Variants in LIMS4 observed in about 807,000 individuals in gnomAD.
LIMS4 encodes LIM and senescent cell antigen-like-containing domain protein 4.
chr2:110,371,206 C>T, the LIMS4 span, among the ~76,000 whole-genome samples: 1 of 75,084 alleles, frequency 1.3e-5, no homozygotes, highest in Non-Finnish European at 2.4e-5. Context: ...GTCAATACAA[C>T]AAATACTTAC....
chr2:110,409,298 TGA>T, the LIMS4 span, among the ~76,000 whole-genome samples: 1 of 129,160 alleles, frequency 7.7e-6, no homozygotes, highest in East Asian at 2.3e-4. Flanking sequence ...TTTTCTATGT[TGA>T]GATACACGAA....
the LIMS4 span, among the ~76,000 whole-genome samples, chr2:110,359,307 A>G: frequency 1.5e-5 from 2 of 130,706 alleles, no homozygotes; most frequent in Admixed American, 7.9e-5. Flanking sequence ...AAAAAAGTAC[A>G]AAACATGTTC....
At chr2:110,379,139 G>A in the LIMS4 span, among the ~76,000 whole-genome samples, 3 of 151,302 alleles carry the variant, frequency 2.0e-5, no homozygotes, top group African/African-American at 4.9e-5. Flanking sequence ...CTGGATTCAG[G>A]GTTGTAGGTC....
chr2:110,382,122 T>TATAC, the LIMS4 span, among the ~76,000 whole-genome samples: 1 of 95,522 alleles, frequency 1.0e-5, no homozygotes, highest in Non-Finnish European at 1.9e-5. Flanking sequence ...TATATATATA[T>TATAC]ATATATATAT....
At chr2:110,371,992 C>A in the LIMS4 span, among the ~76,000 whole-genome samples, 1 of 152,048 alleles carries the variant, frequency 6.6e-6, no homozygotes, top group Non-Finnish European at 1.5e-5. Context: ...CAAACTAGGG[C>A]CCAGCTTGCC....
the LIMS4 span, among the ~76,000 whole-genome samples, chr2:110,366,004 T>A: frequency 6.6e-6 from 1 of 151,250 alleles, no homozygotes; most frequent in Non-Finnish European, 1.5e-5. Context: ...AGACTAATAA[T>A]GAGTTTTGAA....
chr2:110,385,281 C>T, the LIMS4 span, among the ~76,000 whole-genome samples: 14 of 150,430 alleles, frequency 9.3e-5, no homozygotes, highest in African/African-American at 3.3e-4. Flanking sequence ...AGTCCTATGA[C>T]CAGCTTTTGC....
the LIMS4 span, among the ~76,000 whole-genome samples, chr2:110,425,634 A>G: frequency 7.0e-6 from 1 of 142,650 alleles, no homozygotes; most frequent in Non-Finnish European, 1.5e-5. Context: ...AGAGCAAGAC[A>G]GGGGAGAGGA....
At chr2:110,386,613 ACCCTGGGCCAGTGCT>A in the LIMS4 span, 1 of 646,762 alleles carries the variant, frequency 1.5e-6, no homozygotes, top group Non-Finnish European at 2.7e-6. Flanking sequence ...GCTCCAGCGC[ACCCTGGGCCAGTGCT>A]GCCAGGAAGA....
chr2:110,372,575 T>G, the LIMS4 span, among the ~76,000 whole-genome samples: 1 of 148,196 alleles, frequency 6.7e-6, no homozygotes, highest in Non-Finnish European at 1.5e-5. Flanking sequence ...GTGCGATCTC[T>G]GCTCACTGCA....
At chr2:110,391,141 G>A in the LIMS4 span, among the ~76,000 whole-genome samples, 2 of 151,328 alleles carry the variant, frequency 1.3e-5, no homozygotes, top group Admixed American at 6.6e-5. Flanking sequence ...AGGGAGCTGG[G>A]GGGAGAGCAG....
the LIMS4 span, among the ~76,000 whole-genome samples, chr2:110,366,762 C>T: frequency 2.6e-5 from 4 of 152,020 alleles, no homozygotes; most frequent in Admixed American, 2.0e-4. Flanking sequence ...TCTCTGTTTG[C>T]AGATAACATG....
chr2:110,387,675 A>G, the LIMS4 span: 56 of 254,414 alleles, frequency 2.2e-4, no homozygotes, highest in South Asian at 2.9e-3. Flanking sequence ...TGCCTCACCC[A>G]TGCCTGGCTA....
At chr2:110,367,200 T>C in the LIMS4 span, among the ~76,000 whole-genome samples, 1 of 149,820 alleles carries the variant, frequency 6.7e-6, no homozygotes, top group African/African-American at 2.5e-5. Context: ...ACCAATGTCA[T>C]TTTTCACAGA....
At chr2:110,390,775 G>A in the LIMS4 span, among the ~76,000 whole-genome samples, 1 of 151,976 alleles carries the variant, frequency 6.6e-6, no homozygotes, top group Non-Finnish European at 1.5e-5. Flanking sequence ...TCCAGGGCCT[G>A]AGTTCAGCTT....
At chr2:110,368,788 C>G in the LIMS4 span, among the ~76,000 whole-genome samples, 66 of 136,756 alleles carry the variant, frequency 4.8e-4, no homozygotes, top group African/African-American at 1.9e-3. Flanking sequence ...CCTGCACATA[C>G]GGTGGCATGG....
the LIMS4 span, among the ~76,000 whole-genome samples, chr2:110,425,564 A>C: frequency 4.3e-5 from 6 of 140,718 alleles, 1 homozygote; most frequent in South Asian, 1.3e-3. Flanking sequence ...TGACTTTAAA[A>C]TAGGGAGGTT....
the LIMS4 span, chr2:110,386,616 C>T: frequency 1.5e-6 from 1 of 652,476 alleles, no homozygotes; most frequent in South Asian, 1.7e-5. Context: ...CCAGCGCACC[C>T]TGGGCCAGTG....
chr2:110,363,510 TG>T, the LIMS4 span: 4 of 3,732 alleles, frequency 1.1e-3, no homozygotes, highest in Non-Finnish European at 1.7e-3. Context: ...GCTTTAGGGA[TG>T]TTTTTTTGGT....
Sources: gnomAD v4.1 joint callset for allele counts (sites outside exome capture counted in the v4.1 genomes callset) on GRCh38, gnomAD v4.1.1 for gene constraint, MANE v1.5 for transcripts, NCBI Gene and HGNC (gene_info 2026-07-23, HGNC 2026-07-21) for gene names.